Variants in TMC1 observed in about 807,000 individuals in gnomAD.
TMC1 encodes transmembrane channel like 1.
A neutral mutation model predicts 105.8 loss-of-function variants in TMC1; 84 were observed. That is an observed-to-expected ratio of 0.79 (90% confidence interval 0.67 to 0.95). The LOEUF is 0.95. TMC1 is among the 40% of genes least tolerant of loss of function. TMC1 has a pLI of 0.00. For synonymous variants in TMC1, 315 were observed against 311.5 expected, an observed-to-expected ratio of 1.01 and a Z score of -0.12; for missense variants, 817 against 914.1, an observed-to-expected ratio of 0.89 and a Z score of 1.37.
intron 8 of TMC1, among the ~76,000 whole-genome samples, chr9:72,730,484 A>G (rs188234668): frequency 2.5e-4 from 38 of 152,270 alleles, no homozygotes; most frequent in Admixed American, 4.6e-4. Flanking sequence ...TCTGCCCCCA[A>G]CTTGTTGCAC....
At chr9:72,828,599 G>A (rs1425075517) in intron 21 of TMC1, among the ~76,000 whole-genome samples, 1 of 152,142 alleles carries the variant, frequency 6.6e-6, no homozygotes, top group African/African-American at 2.4e-5. Context: ...TTTGTTTCAG[G>A]TACTATTTAC....
At chr9:72,638,673 C>T (rs191588046) in intron 4 of TMC1, among the ~76,000 whole-genome samples, 2 of 152,248 alleles carry the variant, frequency 1.3e-5, no homozygotes, top group East Asian at 1.9e-4. Flanking sequence ...GCATAAACAG[C>T]GAGAAATAAA....
intron 3 of TMC1, among the ~76,000 whole-genome samples, chr9:72,621,531 T>TA (rs901477744): frequency 4.6e-5 from 7 of 152,186 alleles, no homozygotes; most frequent in East Asian, 1.9e-4. Context: ...CATGTAAGAT[T>TA]AAAAAAAATC....
At chr9:72,595,146 G>T (rs1236418013) in intron 2 of TMC1, among the ~76,000 whole-genome samples, 1 of 152,084 alleles carries the variant, frequency 6.6e-6, no homozygotes. Context: ...AATTACAGGT[G>T]TGAGCCAACA....
At chr9:72,820,605 C>A (rs536723486) in intron 19 of TMC1, among the ~76,000 whole-genome samples, 1 of 152,272 alleles carries the variant, frequency 6.6e-6, no homozygotes, top group South Asian at 2.1e-4. Flanking sequence ...TTACAGCATC[C>A]TTTCTATGAA....
intron 5 of TMC1, among the ~76,000 whole-genome samples, chr9:72,649,145 C>T (rs1156242378): frequency 6.6e-6 from 1 of 152,104 alleles, no homozygotes; most frequent in Non-Finnish European, 1.5e-5. Flanking sequence ...ACATCAAACC[C>T]TATTGTTGTA....
chr9:72,527,957 C>G (rs970496004), intron 1 of TMC1, among the ~76,000 whole-genome samples: 2 of 152,230 alleles, frequency 1.3e-5, no homozygotes, highest in Non-Finnish European at 1.5e-5. Flanking sequence ...TGTTTTCTTG[C>G]GATACTTCCC....
Position 72,685,193 on chromosome 9 carries a change from G to A in TMC1, c.17-3516G>A, listed in dbSNP as rs143870020. Among the ~76,000 whole-genome samples the A allele has an allele frequency of 8.9e-3, 1,196 of 134,470 alleles. 22 individuals carry two copies. The highest frequency in any genetic ancestry group is 0.031 in the African/African-American group (1,110 of 35,322). 88.2% of individuals were successfully genotyped at this position (134,470 alleles called of 152,430 possible). A position where few individuals can be genotyped will look rare whatever the true frequency, so the allele number is the denominator to read the frequency against. The stretch of plus-strand genomic sequence containing the variant: ...GCTATCTCAGCTCACTGCAAGCTCC[G>A]CCTCCCGGGTTCATACCATTCTCCT... On this transcript the variant is annotated intron_variant, in intron 5 of 23. Transcript: ENST00000297784.
chr9:72,538,247 T>A (rs1442778592), intron 1 of TMC1, among the ~76,000 whole-genome samples: 1 of 151,812 alleles, frequency 6.6e-6, no homozygotes, highest in Non-Finnish European at 1.5e-5. Context: ...ATGATGAATG[T>A]CTCTTATTAG....
Position 72,636,331 on chromosome 9 carries a change from T to C in TMC1, c.-53+8268T>C, listed in dbSNP as rs184986017. On this transcript the variant is annotated intron_variant, in intron 4 of 23. Coordinates refer to ENST00000297784, the MANE Select transcript of TMC1 (RefSeq NM_138691.3). ...TATAGAAAAAAATAAAATGGCACAG[T>C]TTGGCAGTTGGCATCTTGTATCTTT... Among the ~76,000 whole-genome samples the C allele has an allele frequency of 1.6e-3, 242 of 152,274 alleles. 1 individual carries two copies. The highest frequency in any genetic ancestry group is 5.5e-3 in the African/African-American group (227 of 41,552).
chr9:72,739,503 G>A (rs1827353514), intron 8 of TMC1, among the ~76,000 whole-genome samples: 1 of 152,220 alleles, frequency 6.6e-6, no homozygotes, highest in Non-Finnish European at 1.5e-5. Flanking sequence ...TGCTGTAAAT[G>A]TATAAATATT....
chr9:72,550,415 C>T (rs1236287477), intron 1 of TMC1, among the ~76,000 whole-genome samples: 3 of 150,546 alleles, frequency 2.0e-5, no homozygotes, highest in Admixed American at 6.6e-5. Context: ...GGTTGCAGAG[C>T]CCATATCGTG....
At position 72,553,589 on chromosome 9, in the gene TMC1, A is replaced by G. The variant is rs191048741; in HGVS notation, c.-427-24313A>G. Among the ~76,000 whole-genome samples, 420 of 152,312 alleles carry G rather than the reference A, an allele frequency of 2.8e-3. 2 individuals carry two copies. Among genetic ancestry groups the G allele is most frequent in the African/African-American group, 9.8e-3 (407 of 41,578 alleles). On this transcript the variant is annotated intron_variant, in intron 1 of 23. Coordinates refer to ENST00000297784, the MANE Select transcript of TMC1 (RefSeq NM_138691.3). ...TACTGTAGTAGTATGCTCATATTTT[A>G]TCAGAGTTTGCCTGTACTTTTGCTG...
At chr9:72,775,875 G>T (rs954211842) in intron 13 of TMC1, among the ~76,000 whole-genome samples, 12 of 152,130 alleles carry the variant, frequency 7.9e-5, no homozygotes, top group Non-Finnish European at 1.8e-4. Flanking sequence ...AGAGAGATGG[G>T]GAGGTGCTGG....
At chr9:72,801,410 T>G (rs1588089964) in intron 17 of TMC1, among the ~76,000 whole-genome samples, 1 of 152,220 alleles carries the variant, frequency 6.6e-6, no homozygotes, top group African/African-American at 2.4e-5. Context: ...CTTAGGTAAT[T>G]TGCTCAAGAT....
At chr9:72,631,791 C>T (rs1277667357) in intron 4 of TMC1, among the ~76,000 whole-genome samples, 1 of 151,932 alleles carries the variant, frequency 6.6e-6, no homozygotes, top group Non-Finnish European at 1.5e-5. Flanking sequence ...TAAACAATCA[C>T]AAAAAGGCAT....
At chr9:72,798,095 G>T (rs140146470) in intron 17 of TMC1, among the ~76,000 whole-genome samples, 11 of 151,974 alleles carry the variant, frequency 7.2e-5, no homozygotes, top group African/African-American at 2.7e-4. Flanking sequence ...ACATACATGC[G>T]GCAAACAAGC....
chr9:72,665,356 C>G (rs1050736389), intron 5 of TMC1, among the ~76,000 whole-genome samples: 5 of 152,114 alleles, frequency 3.3e-5, no homozygotes, highest in African/African-American at 4.8e-5. Context: ...TTTCTTAGTT[C>G]CTGCTTAGTG....
intron 5 of TMC1, among the ~76,000 whole-genome samples, chr9:72,661,599 G>A (rs1479817697): frequency 6.6e-6 from 1 of 152,124 alleles, no homozygotes; most frequent in Non-Finnish European, 1.5e-5. Context: ...TATTAAGTAT[G>A]CACCAGTTAC....
Sources: allele counts gnomAD v4.1 joint callset (sites outside exome capture counted in the v4.1 genomes callset), GRCh38; gene constraint gnomAD v4.1.1; transcripts MANE v1.5; gene names NCBI Gene and HGNC (gene_info 2026-07-23, HGNC 2026-07-21).